Variants in DST observed in about 807,000 individuals in gnomAD.
DST encodes dystonin.
In DST, 253 loss-of-function variants were observed where a neutral mutation model predicts 875.2. That is an observed-to-expected ratio of 0.29 (90% confidence interval 0.26 to 0.32). The LOEUF is 0.32. Ranked by LOEUF, DST falls within the 10% of genes least tolerant of loss-of-function variation. DST has a pLI of 1.00. For synonymous variants in DST, 3,124 were observed against 3,197.1 expected, an observed-to-expected ratio of 0.98 and a Z score of 0.77; for missense variants, 8,287 against 9,111.6, an observed-to-expected ratio of 0.91 and a Z score of 3.68.
chr6:56,946,802 T>G (rs569148801), intron 2 of DST, among the ~76,000 whole-genome samples: 1 of 152,260 alleles, frequency 6.6e-6, no homozygotes, highest in South Asian at 2.1e-4. Flanking sequence ...GGGTAAACAT[T>G]TAGGAATAAT....
At chr6:56,466,325 C>T (rs1242223503) in intron 98 of DST, 130 bp from the exon 99 acceptor site, 8 of 526,318 alleles carry the variant, frequency 1.5e-5, no homozygotes, top group Non-Finnish European at 2.2e-5. Context: ...TTAGTAAAAT[C>T]TCAGAAAAGG....
rs1461861347 is a variant in DST, at chr6:56,593,715, A to G, written c.12674T>C (p.Val4225Ala). 1 of 1,613,142 alleles carries G rather than the reference A, an allele frequency of 6.2e-7. No homozygotes were observed. The highest frequency in any genetic ancestry group is 1.7e-5 in the Admixed American group (1 of 59,978). ...KVDTSATHRE[V>A]QRKLDHATDR... The stretch of plus-strand genomic sequence containing the variant: ...AGTAGCATGATCCAACTTGCGCTGC[A>G]CTTCTCTGTGGGTTGCAGAAGTATC... The change falls in exon 48 of 104, where the codon GTG (valine) becomes GCG (alanine). Residue 4225 changes from valine to alanine, a missense_variant. Physicochemically the swap from Val to Ala is moderately conservative, Grantham distance 64 (BLOSUM62 0). Coordinates refer to ENST00000680361, the MANE Select transcript of DST (RefSeq NM_001374736.1).
At chr6:56,497,582 C>A in intron 81 of DST, 75 bp from the exon 82 acceptor site, 1 of 1,538,428 alleles carries the variant, frequency 6.5e-7, no homozygotes, top group Non-Finnish European at 8.8e-7. Context: ...TTCAAACAAT[C>A]CCAGCCTGCT....
chr6:56,935,850 G>A (rs553563499), intron 2 of DST, among the ~76,000 whole-genome samples: 133 of 151,490 alleles, frequency 8.8e-4, no homozygotes, highest in African/African-American at 3.1e-3. Flanking sequence ...GCTTGAACCC[G>A]GGAGGCAGAG....
intron 5 of DST, among the ~76,000 whole-genome samples, chr6:56,705,548 C>T (rs534514607): frequency 6.6e-6 from 1 of 152,264 alleles, no homozygotes; most frequent in Admixed American, 6.5e-5. Context: ...TCTTAGTTGA[C>T]TCTCTCTATA....
At chr6:56,916,987 TAAAAAAAAAAAA>T (rs1161421788) in intron 2 of DST, among the ~76,000 whole-genome samples, 10 of 35,560 alleles carry the variant, frequency 2.8e-4, no homozygotes, top group South Asian at 1.3e-3. Context: ...CCAGGCATGC[TAAAAAAAAAAAA>T]AAAAAAAAAA....
At chr6:56,520,875 G>A (rs191621003) in intron 69 of DST, among the ~76,000 whole-genome samples, 2 of 152,146 alleles carry the variant, frequency 1.3e-5, no homozygotes, top group African/African-American at 4.8e-5. Flanking sequence ...CCCACAAGCA[G>A]TGTTTTGCTA....
At chr6:56,502,646 G>A (rs899253050) in intron 78 of DST, among the ~76,000 whole-genome samples, 3 of 152,056 alleles carry the variant, frequency 2.0e-5, no homozygotes, top group Admixed American at 6.6e-5. Flanking sequence ...TGACCTATAC[G>A]AAAATAACCA....
chr6:56,497,220 T>C (rs957575985), intron 82 of DST, among the ~76,000 whole-genome samples, 159 bp downstream of exon 82: 1 of 152,124 alleles, frequency 6.6e-6, no homozygotes, highest in African/African-American at 2.4e-5. Context: ...TTTAAAATTT[T>C]AATCAATAAA....
chr6:56,662,592 T>G (rs931104337), intron 10 of DST, among the ~76,000 whole-genome samples: 4 of 152,202 alleles, frequency 2.6e-5, no homozygotes, highest in African/African-American at 9.6e-5. Flanking sequence ...TTCAGTTTTC[T>G]GCTTCAAAAA....
chr6:56,598,210 C>T (rs904467495), intron 46 of DST, among the ~76,000 whole-genome samples: 2 of 152,070 alleles, frequency 1.3e-5, no homozygotes, highest in Admixed American at 6.6e-5. Context: ...AAATACATTC[C>T]AAAATTTTAA....
Position 56,468,403 on chromosome 6 carries a change from T to C in DST, c.22569+579A>G, listed in dbSNP as rs558602685. 2.0e-5 allele frequency among the ~76,000 whole-genome samples: 3 copies of C among 152,308 alleles called. No individual in the cohort carries two copies. The East Asian group carries it at 5.8e-4, about 29-fold the overall frequency. On this transcript the variant is annotated intron_variant, in intron 98 of 103. Transcript: ENST00000680361. The stretch of plus-strand genomic sequence containing the variant: ...GCGATAACTTTCCTCAAAAGGAATA[T>C]TACTTAAAGCCTACTGAGTTAACAT...
chr6:56,786,998 G>A (rs2099706761), intron 4 of DST, among the ~76,000 whole-genome samples: 1 of 152,130 alleles, frequency 6.6e-6, no homozygotes, highest in Admixed American at 6.5e-5. Flanking sequence ...AATATTCACA[G>A]GATTATTAGT....
chr6:56,614,277 T>A (rs1286556827), intron 37 of DST, 79 bp downstream of exon 37: 1 of 1,294,044 alleles, frequency 7.7e-7, no homozygotes, highest in African/African-American at 1.5e-5. Flanking sequence ...AAATTAAACA[T>A]TGTGCTAGGT....
At chr6:56,482,962 T>G in intron 88 of DST, 85 bp from the exon 89 acceptor site, 582 of 857,882 alleles carry the variant, frequency 6.8e-4, no homozygotes, top group Non-Finnish European at 9.0e-4. Flanking sequence ...TATGTGCACA[T>G]AACATCATGT....
chr6:56,843,187 C>T (rs754038450), intron 4 of DST: 1 of 1,508,272 alleles, frequency 6.6e-7, no homozygotes, highest in Admixed American at 1.8e-5. Context: ...TTCCCCTCTC[C>T]CCCTCGTAAC....
At chr6:56,814,783 T>C (rs951378433) in intron 4 of DST, among the ~76,000 whole-genome samples, 1 of 152,156 alleles carries the variant, frequency 6.6e-6, no homozygotes, top group Non-Finnish European at 1.5e-5. Context: ...AATGATATAT[T>C]TAAAGTTTAA....
At chr6:56,638,423 A>C (rs1414399703) in intron 22 of DST, among the ~76,000 whole-genome samples, 1 of 152,088 alleles carries the variant, frequency 6.6e-6, no homozygotes, top group Non-Finnish European at 1.5e-5. Context: ...AATTGTACTA[A>C]TCTTTTGAGT....
intron 63 of DST, 116 bp from the exon 64 acceptor site, chr6:56,532,626 T>C: frequency 1.0e-6 from 1 of 967,194 alleles, no homozygotes; most frequent in South Asian, 1.8e-5. Flanking sequence ...TGTATGCACA[T>C]ATGAAAGGAT....
Sources: gnomAD v4.1 joint callset for allele counts (sites outside exome capture counted in the v4.1 genomes callset) on GRCh38, gnomAD v4.1.1 for gene constraint, MANE v1.5 for transcripts, NCBI Gene and HGNC (gene_info 2026-07-23, HGNC 2026-07-21) for gene names.